TVP23A: variants seen among roughly 807,000 people sequenced by gnomAD.
TVP23A encodes Golgi apparatus membrane protein TVP23 homolog A.
A neutral mutation model predicts 31.7 loss-of-function variants in TVP23A; 21 were observed. That is an observed-to-expected ratio of 0.66 (90% CI 0.47 to 0.95). TVP23A has a LOEUF of 0.95. Ranked by LOEUF, TVP23A falls within the 40% of genes least tolerant of loss-of-function variation. TVP23A has a pLI of 0.00. For missense variants in TVP23A, 279 were observed against 255.6 expected (o/e 1.09, Z -0.62); for synonymous variants, 104 against 96.0 (o/e 1.08, Z -0.49).
chr16:10,757,911 G>A (rs1004614886), downstream of TVP23A: 15 of 1,614,006 alleles, frequency 9.3e-6, no homozygotes, highest in African/African-American at 1.7e-4. The surrounding 1 kb of genome is among the most constrained non-coding windows in gnomAD (Gnocchi z 4.1). Flanking sequence ...GGACTGGGGA[G>A]AGGTCGACTA....
chr16:10,808,423 G>A, intron 2 of TVP23A: 1 of 418,240 alleles, frequency 2.4e-6, no homozygotes. Flanking sequence ...ACTAACATGT[G>A]ATTTCCTGTA....
At chr16:10,758,673 G>A (rs190600635), downstream of TVP23A, among the ~76,000 whole-genome samples, 1 of 152,160 alleles carries the variant, frequency 6.6e-6, no homozygotes, top group African/African-American at 2.4e-5. Flanking sequence ...CAGCCTTGCC[G>A]TGTCCATGTG....
chr16:10,796,234 G>A (rs557304600), intron 2 of TVP23A, among the ~76,000 whole-genome samples: 9 of 151,832 alleles, frequency 5.9e-5, no homozygotes, highest in Non-Finnish European at 1.0e-4. Context: ...GTGCCACTTG[G>A]GAGGCTGAGG....
chr16:10,806,959 G>A (rs1005753596), intron 2 of TVP23A, among the ~76,000 whole-genome samples: 2 of 152,184 alleles, frequency 1.3e-5, no homozygotes, highest in South Asian at 2.1e-4. Flanking sequence ...GTCTAGTTCC[G>A]TGATTCTGTG....
At chr16:10,789,026 C>T (rs554171330) in intron 2 of TVP23A, among the ~76,000 whole-genome samples, 2 of 152,326 alleles carry the variant, frequency 1.3e-5, no homozygotes, top group Admixed American at 6.5e-5. Context: ...AGGCACCCCA[C>T]AAGCCTTTTT....
rs61036988 is a variant in TVP23A at position 10,802,241 on chromosome 16, CGTGTGTGTGTGTGTGTGT to C, written c.89+15844_89+15861del. 3.6e-3 allele frequency among the ~76,000 whole-genome samples: 469 copies of C among 130,486 alleles called. 1 individual carries two copies. Among genetic ancestry groups the C allele is most frequent in the Non-Finnish European group, 5.8e-3 (360 of 62,420 alleles). 85.6% of individuals were successfully genotyped at this position (130,486 alleles called of 152,430 possible). ...TCTGCATCCATGAGTTTATATGATA[CGTGTGTGTGTGTGTGTGT>C]GTGTGTGTGTGTGTGTGTGTGTGTG... On this transcript the variant is annotated intron_variant, in intron 2 of 7. Transcript: ENST00000299866.
chr16:10,797,935 A>G (rs2142995142), intron 2 of TVP23A, among the ~76,000 whole-genome samples: 1 of 150,336 alleles, frequency 6.7e-6, no homozygotes, highest in East Asian at 1.9e-4. Flanking sequence ...AATTCTCTAT[A>G]GTAAATATTT....
downstream of TVP23A, among the ~76,000 whole-genome samples, chr16:10,764,401 G>A (rs1010724362): frequency 3.3e-5 from 5 of 152,022 alleles, no homozygotes; most frequent in Non-Finnish European, 7.4e-5. Context: ...CAGTCTGCTG[G>A]AGTATTTGTC....
chr16:10,795,802 A>G (rs935330730), intron 2 of TVP23A, among the ~76,000 whole-genome samples: 2 of 152,164 alleles, frequency 1.3e-5, no homozygotes, highest in African/African-American at 4.8e-5. Context: ...GAATTCAAGG[A>G]TGGAGGACTG....
At chr16:10,793,670 G>A (rs1216104302) in intron 2 of TVP23A, among the ~76,000 whole-genome samples, 1 of 151,950 alleles carries the variant, frequency 6.6e-6, no homozygotes, top group African/African-American at 2.4e-5. Flanking sequence ...CAAGGTGGGA[G>A]GATCACTTGA....
chr16:10,782,011 GCCA>G (rs2032456471), intron 2 of TVP23A, among the ~76,000 whole-genome samples: 2 of 151,762 alleles, frequency 1.3e-5, no homozygotes, highest in South Asian at 4.2e-4. Context: ...GCAGGTGCCT[GCCA>G]CCACACCTGG....
chr16:10,817,461 C>T (rs1338621905), intron 2 of TVP23A, among the ~76,000 whole-genome samples: 1 of 152,210 alleles, frequency 6.6e-6, no homozygotes, highest in East Asian at 1.9e-4. Flanking sequence ...TCGGCAACCA[C>T]GTTCACAGGT....
intron 5 of TVP23A, among the ~76,000 whole-genome samples, 173 bp downstream of exon 5, chr16:10,773,139 AG>A (rs1646730326): frequency 1.3e-5 from 2 of 152,258 alleles, no homozygotes; most frequent in Admixed American, 1.3e-4. Flanking sequence ...CACCATGCCA[AG>A]CCCCTAATTG....
At chr16:10,760,284 G>C (rs187951051), downstream of TVP23A, among the ~76,000 whole-genome samples, 73 of 152,360 alleles carry the variant, frequency 4.8e-4, no homozygotes, top group African/African-American at 1.6e-3. Context: ...AGCAGCCACA[G>C]ACGGTGCCTA....
chr16:10,798,651 T>G (rs2142995720), intron 2 of TVP23A, among the ~76,000 whole-genome samples: 1 of 148,266 alleles, frequency 6.7e-6, no homozygotes, highest in Non-Finnish European at 1.5e-5. Context: ...CATGGCAGCT[T>G]ATGTTTTGTT....
intron 2 of TVP23A, among the ~76,000 whole-genome samples, chr16:10,807,131 T>A (rs2033982521): frequency 6.6e-6 from 1 of 152,186 alleles, no homozygotes; most frequent in Non-Finnish European, 1.5e-5. Flanking sequence ...GGGGTCTGGA[T>A]AAGGGGTCCT....
At chr16:10,773,851 G>T (rs995282121) in intron 4 of TVP23A, among the ~76,000 whole-genome samples, 188 bp downstream of exon 4, 3 of 152,184 alleles carry the variant, frequency 2.0e-5, no homozygotes, top group Non-Finnish European at 2.9e-5. Flanking sequence ...GATTGCAGGC[G>T]TGAGCCACCA....
intron 2 of TVP23A, among the ~76,000 whole-genome samples, chr16:10,781,656 C>A (rs1340027395): frequency 1.3e-5 from 2 of 152,264 alleles, no homozygotes; most frequent in Admixed American, 6.5e-5. Flanking sequence ...CACAGCTCTA[C>A]CCGGGTTCAG....
chr16:10,810,286 T>C (rs1253370174), intron 2 of TVP23A, among the ~76,000 whole-genome samples: 1 of 152,022 alleles, frequency 6.6e-6, no homozygotes, highest in African/African-American at 2.4e-5. Flanking sequence ...CAGTGGCTCA[T>C]GGCTGTAATC....
Sources: gnomAD v4.1 joint callset for allele counts (sites outside exome capture counted in the v4.1 genomes callset) on GRCh38, gnomAD v4.1.1 for gene constraint, Gnocchi (gnomAD v3.1) non-coding constraint, MANE v1.5 for transcripts, NCBI Gene and HGNC (gene_info 2026-07-23, HGNC 2026-07-21) for gene names.